PIGB: variants seen among roughly 807,000 people sequenced by gnomAD.
PIGB encodes phosphatidylinositol glycan anchor biosynthesis class B.
Under a neutral mutation model 68.4 loss-of-function variants are expected in PIGB, and 58 were observed. The ratio of observed to expected loss-of-function variants is 0.85; its 90% CI spans 0.69 to 1.06. The LOEUF (loss-of-function observed/expected upper bound fraction) is 1.06. PIGB is among the 50% of genes least tolerant of loss of function. PIGB has a pLI of 0.00. For missense variants in PIGB, 634 were observed against 655.8 expected, an observed-to-expected ratio of 0.97 and a Z score of 0.36; for synonymous variants, 219 against 220.5, an observed-to-expected ratio of 0.99 and a Z score of 0.06.
rs35201245 is a variant in PIGB at position 55,327,566 on chromosome 15, T to C, written c.453T>C (p.Ser151=). 1,066 of 1,612,172 alleles carry C rather than the reference T, an allele frequency of 6.6e-4. 7 individuals carry two copies. In the African/African-American group the frequency reaches 0.01, roughly 15 times the overall value. Residue 151 remains serine (S), a synonymous_variant, in exon 4 of 12, where the codon TCT becomes TCC. Coordinates refer to ENST00000164305, the MANE Select transcript of PIGB (RefSeq NM_004855.5). ...CTAGACTTGCCCAAGCACTTCTGTC[T>C]GCTGTAGCAGATGTGAGACTTTACT... ...WIPRLAQALL[S]AVADVRLYSL...
chr15:55,337,976 T>C (rs144152969), intron 6 of PIGB, among the ~76,000 whole-genome samples: 24 of 152,316 alleles, frequency 1.6e-4, no homozygotes, highest in African/African-American at 5.5e-4. Flanking sequence ...ATCTATGTTA[T>C]CAGAAATTAG....
intron 9 of PIGB, among the ~76,000 whole-genome samples, chr15:55,342,950 G>A (rs1187256086): frequency 6.6e-6 from 1 of 152,022 alleles, no homozygotes; most frequent in South Asian, 2.1e-4. Flanking sequence ...ACAGCGTTGA[G>A]AGAGAAGAAA....
chr15:55,327,196 G>A lies in PIGB; in HGVS notation c.418-335G>A, dbSNP rs531326633. ...ATGCACACATACAGAGAATGAGACT[G>A]GTAAATATCATATTTATATATAAAT... On this transcript the variant is annotated intron_variant, in intron 3 of 11. Coordinates refer to ENST00000164305, the MANE Select transcript of PIGB (RefSeq NM_004855.5). Among the ~76,000 whole-genome samples, 8 of 142,236 alleles carry A rather than the reference G, an allele frequency of 5.6e-5. No individual in the cohort carries two copies. The South Asian group carries it at 1.7e-3, about 31-fold the overall frequency. 93.3% of individuals were successfully genotyped at this position (142,236 alleles called of 152,430 possible). A position where few individuals can be genotyped will look rare whatever the true frequency, so the allele number is the denominator to read the frequency against.
At chr15:55,354,594 C>G (rs1204313625) in intron 10 of PIGB, 5 of 507,978 alleles carry the variant, frequency 9.8e-6, no homozygotes, top group African/African-American at 8.1e-5. Flanking sequence ...GGTTATACTG[C>G]TGCTGCTGCA....
chr15:55,325,671 C>A (rs906916804), intron 3 of PIGB, among the ~76,000 whole-genome samples: 3 of 152,158 alleles, frequency 2.0e-5, no homozygotes, highest in Non-Finnish European at 4.4e-5. Flanking sequence ...AATCCTAGCA[C>A]TTTGGGAGGC....
intron 3 of PIGB, among the ~76,000 whole-genome samples, chr15:55,327,162 G>C (rs2055309163): frequency 6.8e-6 from 1 of 148,064 alleles, no homozygotes; most frequent in East Asian, 1.9e-4. Flanking sequence ...GTGTATATAT[G>C]TCATATATAT....
intron 3 of PIGB, among the ~76,000 whole-genome samples, chr15:55,326,476 T>C (rs890295039): frequency 2.6e-5 from 4 of 151,422 alleles, no homozygotes; most frequent in Admixed American, 2.6e-4. Flanking sequence ...CTGAATGAGT[T>C]GATACATATA....
intron 10 of PIGB, among the ~76,000 whole-genome samples, chr15:55,352,190 C>T (rs999859851): frequency 2.0e-5 from 3 of 151,902 alleles, no homozygotes; most frequent in East Asian, 2.0e-4. Context: ...TCAGGTGATC[C>T]GCCCACCTCA....
intron 3 of PIGB, among the ~76,000 whole-genome samples, chr15:55,321,741 C>G (rs1322657862): frequency 6.8e-6 from 1 of 146,902 alleles, no homozygotes; most frequent in East Asian, 2.0e-4. Context: ...CAACCTCCAC[C>G]TCCCGGGTTC....
At chr15:55,337,484 T>G (rs1462600188) in intron 6 of PIGB, among the ~76,000 whole-genome samples, 1 of 152,192 alleles carries the variant, frequency 6.6e-6, no homozygotes, top group African/African-American at 2.4e-5. Flanking sequence ...GAACTGCACA[T>G]GCAAGGGATC....
intron 3 of PIGB, among the ~76,000 whole-genome samples, chr15:55,325,498 CCTTT>C (rs1360078838): frequency 1.3e-5 from 2 of 152,050 alleles, no homozygotes; most frequent in Admixed American, 6.5e-5. Flanking sequence ...ATAGCATTAG[CCTTT>C]CTAACTATAA....
At chr15:55,321,507 T>C (rs1208206435) in intron 3 of PIGB, 117 bp downstream of exon 3, 1 of 710,104 alleles carries the variant, frequency 1.4e-6, no homozygotes, top group African/African-American at 1.8e-5. Context: ...AGACATACTG[T>C]GATGTGTAAC....
intron 10 of PIGB, among the ~76,000 whole-genome samples, chr15:55,353,125 A>AAAGTT (rs2055959960): frequency 6.6e-6 from 1 of 152,206 alleles, no homozygotes; most frequent in Admixed American, 6.5e-5. Context: ...TGTTCTTTAT[A>AAAGTT]CTTAACTGTA....
chr15:55,320,033 TAATA>T, intron 1 of PIGB: 1 of 323,160 alleles, frequency 3.1e-6, no homozygotes, highest in East Asian at 5.2e-5. Context: ...GTATTTATTT[TAATA>T]TTATCTTTAC....
intron 2 of PIGB, 57 bp downstream of exon 2, chr15:55,320,467 G>A (rs991444981): frequency 3.9e-6 from 6 of 1,551,462 alleles, no homozygotes; most frequent in Admixed American, 1.8e-5. Flanking sequence ...TGGAAATTGT[G>A]CTCAGTTTCT....
intron 5 of PIGB, among the ~76,000 whole-genome samples, chr15:55,331,124 C>T (rs1006500525): frequency 6.6e-6 from 1 of 152,168 alleles, no homozygotes; most frequent in African/African-American, 2.4e-5. Context: ...TAGCTAGTCT[C>T]TCCACTTCTG....
rs1358330987 is a variant in PIGB at position 55,354,939 on chromosome 15, A to G, written c.1479A>G (p.Ser493=). ...ATAGAGAGTTTCATGATGATGCATC[A>G]TTGCCTACTCACTTGATCACCTTCA... The part of the protein sequence containing the change: ...WLHREFHDDA[S]LPTHLITFSI... Residue 493 remains serine, a synonymous_variant, in exon 11 of 12, where the codon TCA becomes TCG. Transcript: ENST00000164305. 1 of 1,613,128 alleles carries G rather than the reference A, an allele frequency of 6.2e-7. No individual in the cohort carries two copies. The highest frequency in any genetic ancestry group is 1.3e-5 in the African/African-American group (1 of 74,916).
Position 55,354,881 on chromosome 15 carries a change from A to T in PIGB, c.1421A>T (p.Asp474Val). 3 of 1,613,656 alleles carry T rather than the reference A, an allele frequency of 1.9e-6. No homozygotes were observed. Among genetic ancestry groups the T allele is most frequent in the Non-Finnish European group, 2.5e-6 (3 of 1,179,670 alleles). Residue 474 changes from aspartate (D) to valine (V), a missense_variant, in exon 11 of 12, where the codon GAT (aspartate) becomes GTT (valine). Asp to Val is a radical substitution (Grantham distance 152). Coordinates refer to ENST00000164305, the MANE Select transcript of PIGB (RefSeq NM_004855.5). ...TGKSHYLDEA[D>V]VFYLNPLNWL... ...AAAAGTCATTATCTTGATGAAGCAG[A>T]TGTATTTTACCTAAATCCCTTAAAC...
chr15:55,354,906 C>A lies in PIGB; in HGVS notation c.1446C>A (p.Asn482Lys). 5.0e-6 allele frequency: 8 copies of A among 1,613,392 alleles called. No homozygotes were observed. The highest frequency in any genetic ancestry group is 6.8e-6 in the Non-Finnish European group (8 of 1,179,550). The change falls in exon 11 of 12, where the codon AAC becomes AAA. Residue 482 changes from asparagine (N) to lysine (K), a missense_variant. Physicochemically the swap from Asn to Lys is moderately conservative, Grantham distance 94. Coordinates refer to ENST00000164305, the MANE Select transcript of PIGB (RefSeq NM_004855.5). ...EADVFYLNPL[N>K]WLHREFHDDA... ...ATGTATTTTACCTAAATCCCTTAAA[C>A]TGGTTACATAGAGAGTTTCATGATG...
Sources: gnomAD v4.1 joint callset for allele counts (sites outside exome capture counted in the v4.1 genomes callset) on GRCh38, gnomAD v4.1.1 for gene constraint, MANE v1.5 for transcripts, NCBI Gene and HGNC (gene_info 2026-07-23, HGNC 2026-07-21) for gene names.